Variants in GLRA3 observed in about 807,000 individuals in gnomAD.
GLRA3 encodes glycine receptor subunit alpha-3.
Under a neutral mutation model 60.4 loss-of-function variants are expected in GLRA3, and 44 were observed. The observed-to-expected ratio is 0.73, with a 90% confidence interval of 0.57 to 0.94. GLRA3 has a LOEUF of 0.94. Among genes scored for constraint, GLRA3 ranks in the 40% least tolerant of loss-of-function variants. GLRA3 has a pLI of 0.00. For missense variants in GLRA3, 508 were observed against 564.6 expected, an observed-to-expected ratio of 0.90 and a Z score of 1.02; for synonymous variants, 223 against 192.9, an observed-to-expected ratio of 1.16 and a Z score of -1.29.
At chr4:174,748,134 C>G (rs981958849) in intron 3 of GLRA3, among the ~76,000 whole-genome samples, 1 of 151,984 alleles carries the variant, frequency 6.6e-6, no homozygotes, top group African/African-American at 2.4e-5. Flanking sequence ...GGCTGGCATT[C>G]AAGAAATAGA....
intron 2 of GLRA3, among the ~76,000 whole-genome samples, chr4:174,778,522 C>T (rs559172511): frequency 3.3e-5 from 5 of 152,232 alleles, no homozygotes; most frequent in South Asian, 2.1e-4. Flanking sequence ...CCAGCGTGAC[C>T]GATGCAGAAG....
intron 1 of GLRA3, among the ~76,000 whole-genome samples, chr4:174,822,815 A>G (rs77839437): frequency 1.3e-5 from 2 of 152,188 alleles, no homozygotes; most frequent in African/African-American, 2.4e-5. Context: ...ATTGTATGCT[A>G]TTCCTAATTG....
intron 5 of GLRA3, among the ~76,000 whole-genome samples, chr4:174,688,591 T>TGC (rs1159575334): frequency 1.4e-5 from 2 of 145,858 alleles, no homozygotes; most frequent in Non-Finnish European, 3.0e-5. Context: ...TGTGTGTGTG[T>TGC]GTGTGTGTGT....
At chr4:174,785,410 T>G (rs28535051) in intron 2 of GLRA3, among the ~76,000 whole-genome samples, 3 of 151,920 alleles carry the variant, frequency 2.0e-5, no homozygotes. Context: ...ACTCCAGAAA[T>G]AAATTCATAA....
chr4:174,715,203 T>C (rs1344991573), intron 5 of GLRA3, among the ~76,000 whole-genome samples: 2 of 152,248 alleles, frequency 1.3e-5, no homozygotes, highest in African/African-American at 4.8e-5. Context: ...TTGTTTTTAA[T>C]GATTACCATC....
chr4:174,644,421 T>TTTA, intron 9 of GLRA3, among the ~76,000 whole-genome samples: 1 of 151,046 alleles, frequency 6.6e-6, no homozygotes, highest in Non-Finnish European at 1.5e-5. Flanking sequence ...TTTTTTGCAT[T>TTTA]TTTTTTTAAA....
intron 2 of GLRA3, 74 bp from the exon 3 acceptor site, chr4:174,767,104 C>A: frequency 2.7e-6 from 2 of 749,372 alleles, no homozygotes; most frequent in African/African-American, 1.8e-5. Context: ...CCTTGCATTC[C>A]ATTATTATTA....
intron 7 of GLRA3, among the ~76,000 whole-genome samples, chr4:174,670,474 G>C (rs1470393542): frequency 6.6e-6 from 1 of 152,126 alleles, no homozygotes; most frequent in Non-Finnish European, 1.5e-5. Flanking sequence ...TGGGGACTCA[G>C]GGTACGATTC....
At chr4:174,824,874 C>T (rs1740902494) in intron 1 of GLRA3, among the ~76,000 whole-genome samples, 1 of 152,094 alleles carries the variant, frequency 6.6e-6, no homozygotes, top group Non-Finnish European at 1.5e-5. Flanking sequence ...GTTCAATCAT[C>T]CAAAGCTAAA....
At chr4:174,693,792 G>A (rs1302043994) in intron 5 of GLRA3, among the ~76,000 whole-genome samples, 3 of 152,048 alleles carry the variant, frequency 2.0e-5, no homozygotes, top group Non-Finnish European at 2.9e-5. Flanking sequence ...GCACAGAGTG[G>A]CAAGCTGGAT....
rs546668501 is a variant in GLRA3 at position 174,717,196 on chromosome 4, A to T, written c.492-1626T>A. Among the ~76,000 whole-genome samples the T allele has an allele frequency of 6.1e-5, 8 of 132,098 alleles. No individual in the cohort carries two copies. The South Asian group carries it at 2.4e-3, about 39-fold the overall frequency. The allele number at this position is 132,098 out of a possible 152,430, so 86.7% of individuals were successfully genotyped here. A position where few individuals can be genotyped will look rare whatever the true frequency, so the allele number is the denominator to read the frequency against. ...TGCTGAACTATAGCCTGGGTGACAG[A>T]GCAAGATCTTGTCTCTTAAAAAAAA... On this transcript the variant is annotated intron_variant, in intron 4 of 9. Transcript: ENST00000274093.
chr4:174,753,421 G>A (rs1346276544), intron 3 of GLRA3, among the ~76,000 whole-genome samples: 1 of 152,142 alleles, frequency 6.6e-6, no homozygotes, highest in Non-Finnish European at 1.5e-5. Flanking sequence ...TAATTGACAT[G>A]CTAGATTCAT....
intron 2 of GLRA3, among the ~76,000 whole-genome samples, chr4:174,778,580 G>A (rs6553829): frequency 0.95 from 144,633 of 152,160 alleles, 69,148 homozygotes; most frequent in East Asian, 1. Flanking sequence ...TCATCTCACT[G>A]GGGAGTGCCA....
intron 3 of GLRA3, among the ~76,000 whole-genome samples, chr4:174,759,152 AC>A (rs1420440816): frequency 6.6e-6 from 1 of 152,136 alleles, no homozygotes; most frequent in African/African-American, 2.4e-5. Context: ...AAACATCAAG[AC>A]AAGAAAAAGT....
chr4:174,783,958 T>G (rs2111288823), intron 2 of GLRA3, among the ~76,000 whole-genome samples: 1 of 150,902 alleles, frequency 6.6e-6, no homozygotes, highest in Non-Finnish European at 1.5e-5. Flanking sequence ...GATCCAGCCA[T>G]CCCATTACTG....
chr4:174,785,315 A>G (rs896909310), intron 2 of GLRA3, among the ~76,000 whole-genome samples: 1 of 152,138 alleles, frequency 6.6e-6, no homozygotes, highest in African/African-American at 2.4e-5. Flanking sequence ...ATTTTTTAAT[A>G]GTTGTTTTCC....
At chr4:174,766,854 T>C (rs1738160842) in intron 3 of GLRA3, 109 bp downstream of exon 3, 3 of 610,794 alleles carry the variant, frequency 4.9e-6, no homozygotes, top group Non-Finnish European at 8.8e-6. Context: ...TAATTTTACA[T>C]TTTAAAATCT....
At chr4:174,656,095 C>T (rs1733188266) in intron 9 of GLRA3, among the ~76,000 whole-genome samples, 1 of 152,014 alleles carries the variant, frequency 6.6e-6, no homozygotes, top group Non-Finnish European at 1.5e-5. Flanking sequence ...ATATTATGAA[C>T]CCCCAAGTTA....
chr4:174,764,562 A>AAG (rs1263363374), intron 3 of GLRA3, among the ~76,000 whole-genome samples: 11 of 151,926 alleles, frequency 7.2e-5, no homozygotes, highest in Non-Finnish European at 1.5e-4. Flanking sequence ...GTCTCAAAAA[A>AAG]AAAAAGAACA....
Sources: allele counts gnomAD v4.1 joint callset (sites outside exome capture counted in the v4.1 genomes callset), GRCh38; gene constraint gnomAD v4.1.1; transcripts MANE v1.5; gene names NCBI Gene and HGNC (gene_info 2026-07-23, HGNC 2026-07-21).